Variants in PALLD observed in about 807,000 individuals in gnomAD.
PALLD encodes the protein palladin.
In PALLD, 61 loss-of-function variants were observed where a neutral mutation model predicts 123.5. That is an observed-to-expected ratio of 0.49 (90% CI 0.40 to 0.61). The LOEUF (loss-of-function observed/expected upper bound fraction) is 0.61, where lower values mean the gene tolerates loss of function less well. PALLD is among the 20% of genes least tolerant of loss of function. The pLI is 0.00. For missense variants in PALLD, 1,273 were observed against 1,377.0 expected, an observed-to-expected ratio of 0.92 and a Z score of 1.20; for synonymous variants, 465 against 496.4, an observed-to-expected ratio of 0.94 and a Z score of 0.84.
In PALLD at chr4:168,889,162, GTGTGGT is replaced by G. The variant is rs1385140939; in HGVS notation, c.1965-1758_1965-1753del. Reference sequence around the variant, plus strand: ...TTTGTGTGTGTGTGTGTGTGTGTGTGTGTGGTTTTTTTTTTTTTTTAGACGGAGTCT... The same window carrying G: ...TTTGTGTGTGTGTGTGTGTGTGTGTGTTTTTTTTTTTTTTAGACGGAGTCT... On this transcript the variant is annotated intron_variant, in intron 10 of 21. Coordinates refer to ENST00000505667, the MANE Select transcript of PALLD (RefSeq NM_001166108.2). 4.0e-3 allele frequency among the ~76,000 whole-genome samples: 587 copies of G among 147,686 alleles called. 4 individuals carry two copies. The highest frequency in any genetic ancestry group is 5.1e-3 in the Admixed American group (76 of 14,948).
chr4:168,818,845 T>G (rs1742326833), intron 10 of PALLD, among the ~76,000 whole-genome samples: 1 of 152,216 alleles, frequency 6.6e-6, no homozygotes, highest in Non-Finnish European at 1.5e-5. Flanking sequence ...ATGTTTATGA[T>G]AAATGATACA....
intron 12 of PALLD, among the ~76,000 whole-genome samples, chr4:168,896,134 C>G (rs755629008): frequency 6.7e-6 from 1 of 150,138 alleles, no homozygotes; most frequent in East Asian, 2.0e-4. Flanking sequence ...CGCTTGAACC[C>G]AGGAGACAGA....
At chr4:168,676,410 ATTTAT>A (rs1780835494) in intron 3 of PALLD, among the ~76,000 whole-genome samples, 1 of 151,986 alleles carries the variant, frequency 6.6e-6, no homozygotes, top group Non-Finnish European at 1.5e-5. Context: ...GAAAGGATGT[ATTTAT>A]TCCTCAAATC....
chr4:168,538,998 A>C lies in PALLD; in HGVS notation c.908+26586A>C, dbSNP rs115519491. Among the ~76,000 whole-genome samples, 783 of 152,332 alleles carry C rather than the reference A, an allele frequency of 5.1e-3. 10 individuals are homozygous for C. Among genetic ancestry groups the C allele is most frequent in the African/African-American group, 0.018 (747 of 41,568 alleles). The stretch of plus-strand genomic sequence containing the variant: ...AAAGGCTGATCTTATGGGCGTGAAA[A>C]ACAGGCATTTCACAGATTTAGATAA... On this transcript the variant is annotated intron_variant, in intron 2 of 21. Coordinates refer to ENST00000505667, the MANE Select transcript of PALLD (RefSeq NM_001166108.2).
intron 1 of PALLD, among the ~76,000 whole-genome samples, chr4:168,497,936 G>A (rs28575424): frequency 0.097 from 14,752 of 152,084 alleles, 805 homozygotes; most frequent in Non-Finnish European, 0.11. Flanking sequence ...ATTAACATTT[G>A]CTAAAAATAC....
intron 16 of PALLD, 55 bp downstream of exon 16, chr4:168,914,076 A>G (rs1217010881): frequency 2.9e-6 from 3 of 1,027,218 alleles, no homozygotes; most frequent in Non-Finnish European, 4.6e-6. Flanking sequence ...ATTACTATAA[A>G]TGTAGTACTA....
intron 2 of PALLD, among the ~76,000 whole-genome samples, chr4:168,583,236 G>T (rs2149660516): frequency 6.6e-6 from 1 of 152,210 alleles, no homozygotes; most frequent in South Asian, 2.1e-4. Flanking sequence ...CTAAGATATT[G>T]TTCCTACAAT....
At chr4:168,622,210 C>G (rs1475882293) in intron 2 of PALLD, among the ~76,000 whole-genome samples, 1 of 152,188 alleles carries the variant, frequency 6.6e-6, no homozygotes, top group East Asian at 1.9e-4. Context: ...TCCTCACTTT[C>G]CCCATCCTCC....
At chr4:168,666,803 A>G (rs1303378914) in intron 2 of PALLD, among the ~76,000 whole-genome samples, 1 of 152,182 alleles carries the variant, frequency 6.6e-6, no homozygotes, top group Non-Finnish European at 1.5e-5. Context: ...CACAGTTAAT[A>G]CTGATGGGTG....
intron 2 of PALLD, among the ~76,000 whole-genome samples, chr4:168,540,352 T>C (rs1765498017): frequency 6.6e-6 from 1 of 152,212 alleles, no homozygotes; most frequent in South Asian, 2.1e-4. Flanking sequence ...GTGATTCATT[T>C]GATTTGTGCC....
At chr4:168,667,020 G>A (rs1226290559) in intron 2 of PALLD, among the ~76,000 whole-genome samples, 1 of 152,176 alleles carries the variant, frequency 6.6e-6, no homozygotes, top group Non-Finnish European at 1.5e-5. Flanking sequence ...ATTATTGTAT[G>A]TTCTTTAATT....
chr4:168,555,072 A>C (rs1220739931), intron 2 of PALLD, among the ~76,000 whole-genome samples: 1 of 152,238 alleles, frequency 6.6e-6, no homozygotes, highest in African/African-American at 2.4e-5. Flanking sequence ...AAAAACAAAC[A>C]AAATATTCAA....
intron 10 of PALLD, among the ~76,000 whole-genome samples, chr4:168,807,930 T>C (rs1209287169): frequency 6.6e-6 from 1 of 152,048 alleles, no homozygotes; most frequent in Non-Finnish European, 1.5e-5. Context: ...GGTCTCGAAC[T>C]TCTGACCTCA....
At chr4:168,592,416 A>G (rs1169619261) in intron 2 of PALLD, among the ~76,000 whole-genome samples, 1 of 152,154 alleles carries the variant, frequency 6.6e-6, no homozygotes, top group East Asian at 1.9e-4. Context: ...AACAGGAGAA[A>G]AACAACAGTA....
At chr4:168,625,804 G>A (rs1580643358) in intron 2 of PALLD, among the ~76,000 whole-genome samples, 18 of 152,058 alleles carry the variant, frequency 1.2e-4, no homozygotes, top group Admixed American at 1.1e-3. Flanking sequence ...GAACTCATGC[G>A]CCCTGTTGGT....
Position 168,664,787 on chromosome 4 carries a change from A to C in PALLD, c.909-3403A>C, listed in dbSNP as rs1036821391. On this transcript the variant is annotated intron_variant, in intron 2 of 21. Coordinates refer to ENST00000505667, the MANE Select transcript of PALLD (RefSeq NM_001166108.2). Reference sequence around the variant, plus strand: ...GGAGGAGGAAAAAAAAAAAAAAAAAACCCTGCAAATATTTTGATGGCAGGC... The same window carrying C: ...GGAGGAGGAAAAAAAAAAAAAAAAACCCCTGCAAATATTTTGATGGCAGGC... Among the ~76,000 whole-genome samples, 7 of 150,682 alleles carry C rather than the reference A, an allele frequency of 4.6e-5. No homozygotes were observed. The South Asian group carries it at 6.3e-4, about 14-fold the overall frequency.
At chr4:168,559,221 T>C (rs1054350115) in intron 2 of PALLD, among the ~76,000 whole-genome samples, 2 of 152,194 alleles carry the variant, frequency 1.3e-5, no homozygotes, top group African/African-American at 2.4e-5. Context: ...GATTCTTCAG[T>C]CACTTCATGT....
chr4:168,842,758 G>T (rs781777618), intron 10 of PALLD, among the ~76,000 whole-genome samples: 2 of 152,124 alleles, frequency 1.3e-5, no homozygotes, highest in African/African-American at 4.8e-5. Context: ...TATCTGCTCC[G>T]TCTTCTCTCC....
intron 1 of PALLD, among the ~76,000 whole-genome samples, chr4:168,501,721 A>T (rs1256301073): frequency 6.6e-6 from 1 of 152,120 alleles, no homozygotes; most frequent in Non-Finnish European, 1.5e-5. Context: ...CCCCCATGGT[A>T]CACTCTGAAG....
Sources: gnomAD v4.1 joint callset for allele counts (sites outside exome capture counted in the v4.1 genomes callset) on GRCh38, gnomAD v4.1.1 for gene constraint, MANE v1.5 for transcripts, NCBI Gene and HGNC (gene_info 2026-07-23, HGNC 2026-07-21) for gene names.